Variants in ELL observed in about 807,000 individuals in gnomAD.
The protein encoded by ELL is RNA polymerase II elongation factor ELL.
A neutral mutation model predicts 64.0 loss-of-function variants in ELL; 18 were observed. The observed-to-expected ratio is 0.28, with a 90% CI of 0.19 to 0.42. The LOEUF (loss-of-function observed/expected upper bound fraction) is 0.42, where lower values mean the gene tolerates loss of function less well. Among genes scored for constraint, ELL ranks in the 10% least tolerant of loss-of-function variants. ELL has a pLI of 1.00. For missense variants in ELL, 797 were observed against 870.4 expected, an observed-to-expected ratio of 0.92 and a Z score of 1.06; for synonymous variants, 399 against 376.2, an observed-to-expected ratio of 1.06 and a Z score of -0.70.
chr19:18,497,196 C>T (rs1975672844), intron 1 of ELL, among the ~76,000 whole-genome samples: 2 of 152,164 alleles, frequency 1.3e-5, no homozygotes, highest in African/African-American at 4.8e-5. Flanking sequence ...CAGGATATAA[C>T]AAGAAATGAG....
At chr19:18,463,748 G>A (rs1446466418) in intron 4 of ELL, among the ~76,000 whole-genome samples, 1 of 152,022 alleles carries the variant, frequency 6.6e-6, no homozygotes, top group Non-Finnish European at 1.5e-5. Context: ...GGATGCTGAG[G>A]TGGGCGGATT....
chr19:18,465,935 G>T lies in ELL; in HGVS notation c.184-17C>A, dbSNP rs376636457. The T allele has an allele frequency of 1.4e-5, 18 of 1,294,268 alleles. No homozygotes were observed. Among genetic ancestry groups the T allele is most frequent in the Middle Eastern group, 4.7e-4 (2 of 4,250 alleles). The allele number at this position is 1,294,268 out of a possible 1,614,324, so 80.2% of individuals were successfully genotyped here. Reference sequence around the variant, plus strand: ...GGAGATGTGCTGCGTGGAGGGGGAGGGGGTGTCACTGGGAGGTCCTCGGCA... The same window carrying T: ...GGAGATGTGCTGCGTGGAGGGGGAGTGGGTGTCACTGGGAGGTCCTCGGCA... On this transcript the variant is annotated splice_polypyrimidine_tract_variant and intron_variant, in intron 2 of 11. Coordinates refer to ENST00000262809, the MANE Select transcript of ELL (RefSeq NM_006532.4).
Position 18,501,035 on chromosome 19 carries a change from C to T in ELL, c.135+20886G>A. Among the ~76,000 whole-genome samples, 1 of 152,072 alleles carries T rather than the reference C, an allele frequency of 6.6e-6. No individual in the cohort carries two copies. Among genetic ancestry groups the T allele is most frequent in the East Asian group, 1.9e-4 (1 of 5,174 alleles). On this transcript the variant is annotated intron_variant, in intron 1 of 11. Transcript: ENST00000262809. This position sits in a 1 kb window ranked among gnomAD's most constrained non-coding sequence, Gnocchi z 4.5. Reference sequence around the variant, plus strand: ...CCAACCTCCAACCACCGAACTTGGGCCAAAACTCACAGCAGGAGAGGCAAT... The same window carrying T: ...CCAACCTCCAACCACCGAACTTGGGTCAAAACTCACAGCAGGAGAGGCAAT...
At chr19:18,453,046 C>A (rs929791433) in intron 6 of ELL, among the ~76,000 whole-genome samples, 3 of 152,114 alleles carry the variant, frequency 2.0e-5, no homozygotes, top group African/African-American at 7.2e-5. Flanking sequence ...CCAAGGCAGG[C>A]GGATCACCTA....
rs563546343 is a variant in ELL, at chr19:18,454,840, CAAA to C, written c.870-3195_870-3193del. 5.3e-3 allele frequency among the ~76,000 whole-genome samples: 299 copies of C among 56,502 alleles called. 12 individuals are homozygous for C. Among genetic ancestry groups the C allele is most frequent in the Middle Eastern group, 0.045 (4 of 88 alleles). 37.1% of individuals were successfully genotyped at this position (56,502 alleles called of 152,430 possible). On this transcript the variant is annotated intron_variant, in intron 6 of 11. Transcript: ENST00000262809. ...TGGGCAACAGAGTGAGACTCAGTCT[CAAA>C]AAAAAAAAAAAAAAAGGCATCCTGG...
chr19:18,442,880 A>G lies in ELL; in HGVS notation c.*1872T>C. 1 of 226,824 alleles carries G rather than the reference A, an allele frequency of 4.4e-6. No homozygotes were observed. Among genetic ancestry groups the G allele is most frequent in the Non-Finnish European group, 8.8e-6 (1 of 113,730 alleles). 14.1% of individuals were successfully genotyped at this position (226,824 alleles called of 1,614,324 possible). A position where few individuals can be genotyped will look rare whatever the true frequency, so the allele number is the denominator to read the frequency against. ...TCCACAGTACAACATTAAAAGAAAA[A>G]AAAATAGTATCAATAAGTTAGACCA... On this transcript the variant is annotated 3_prime_UTR_variant, in exon 12 of 12. Coordinates refer to ENST00000262809, the MANE Select transcript of ELL (RefSeq NM_006532.4).
chr19:18,454,701 C>T (rs1030058543), intron 6 of ELL, among the ~76,000 whole-genome samples: 8 of 151,010 alleles, frequency 5.3e-5, no homozygotes, highest in Admixed American at 2.0e-4. Context: ...ATTAGCCGGT[C>T]GTGGTGGCAG....
chr19:18,464,913 G>A (rs1036067764), intron 4 of ELL, among the ~76,000 whole-genome samples: 1 of 152,222 alleles, frequency 6.6e-6, no homozygotes, highest in African/African-American at 2.4e-5. Context: ...CTGGGTCGCT[G>A]GCAACAGGGC....
chr19:18,469,756 T>A (rs1975024412), intron 2 of ELL, among the ~76,000 whole-genome samples: 1 of 152,240 alleles, frequency 6.6e-6, no homozygotes, highest in Admixed American at 6.5e-5. Context: ...GACCTGACCA[T>A]GGCCACCAGG....
intron 1 of ELL, 54 bp from the exon 2 acceptor site, chr19:18,472,936 T>A: frequency 6.6e-7 from 1 of 1,516,864 alleles, no homozygotes; most frequent in East Asian, 2.4e-5. Flanking sequence ...ATAAAGACAT[T>A]GGGAAACCCA....
chr19:18,470,838 C>G, intron 2 of ELL: 1 of 394,136 alleles, frequency 2.5e-6, no homozygotes, highest in Admixed American at 3.1e-5. Flanking sequence ...TACTGGAGGT[C>G]TGCAGCCAGC....
chr19:18,447,483 A>C (rs749465355), intron 8 of ELL, among the ~76,000 whole-genome samples: 2 of 152,260 alleles, frequency 1.3e-5, no homozygotes, highest in African/African-American at 4.8e-5. Context: ...ATCCATGAGC[A>C]AAGTGTCCAT....
At chr19:18,457,947 TGAA>T (rs1974717366) in intron 6 of ELL, among the ~76,000 whole-genome samples, 1 of 152,176 alleles carries the variant, frequency 6.6e-6, no homozygotes, top group Admixed American at 6.5e-5. Flanking sequence ...GCCTTTTGTC[TGAA>T]GATTCCAAGG....
chr19:18,465,931 G>A lies in ELL; in HGVS notation c.184-13C>T. ...GGATGGAGATGTGCTGCGTGGAGGG[G>A]GAGGGGGTGTCACTGGGAGGTCCTC... On this transcript the variant is annotated splice_polypyrimidine_tract_variant and intron_variant, in intron 2 of 11. Coordinates refer to ENST00000262809, the MANE Select transcript of ELL (RefSeq NM_006532.4). 2.3e-6 allele frequency: 3 copies of A among 1,296,956 alleles called. No individual in the cohort carries two copies. Among genetic ancestry groups the A allele is most frequent in the Non-Finnish European group, 3.0e-6 (3 of 1,015,846 alleles). 80.3% of individuals were successfully genotyped at this position (1,296,956 alleles called of 1,614,324 possible). A position where few individuals can be genotyped will look rare whatever the true frequency, so the allele number is the denominator to read the frequency against.
chr19:18,517,296 T>A (rs2144983080), intron 1 of ELL, among the ~76,000 whole-genome samples: 1 of 152,222 alleles, frequency 6.6e-6, no homozygotes, highest in South Asian at 2.1e-4. Context: ...CTCCCTCTGT[T>A]ACCCAGGCTG....
chr19:18,457,888 A>G (rs1204956377), intron 6 of ELL, among the ~76,000 whole-genome samples: 1 of 152,182 alleles, frequency 6.6e-6, no homozygotes, highest in East Asian at 1.9e-4. Context: ...TGTGGAGGGA[A>G]GCATGAAGGG....
At chr19:18,512,167 G>GA (rs1319036346) in intron 1 of ELL, among the ~76,000 whole-genome samples, 2 of 143,986 alleles carry the variant, frequency 1.4e-5, no homozygotes, top group South Asian at 4.4e-4. Flanking sequence ...AAAAAAAAAA[G>GA]AAAAAAAATT....
chr19:18,475,211 T>C (rs913000800), intron 1 of ELL, among the ~76,000 whole-genome samples: 1 of 152,174 alleles, frequency 6.6e-6, no homozygotes, highest in Non-Finnish European at 1.5e-5. Context: ...AGACACCGGA[T>C]GCCATTACTC....
chr19:18,471,025 G>GAGCA (rs1215634421), intron 2 of ELL: 3 of 453,912 alleles, frequency 6.6e-6, no homozygotes, highest in African/African-American at 6.3e-5. Flanking sequence ...CAGCTGTGCA[G>GAGCA]AGCTCTCAGG....
Sources: allele counts gnomAD v4.1 joint callset (sites outside exome capture counted in the v4.1 genomes callset), GRCh38; gene constraint gnomAD v4.1.1; non-coding constraint Gnocchi (gnomAD v3.1); transcripts MANE v1.5; gene names NCBI Gene and HGNC (gene_info 2026-07-23, HGNC 2026-07-21).